Variants in MACROD2 observed in about 807,000 individuals in gnomAD.
MACROD2 encodes mono-ADP ribosylhydrolase 2.
In MACROD2, 36 loss-of-function variants were observed where a neutral mutation model predicts 70.4. The observed-to-expected ratio is 0.51, with a 90% confidence interval of 0.39 to 0.68. MACROD2 has a LOEUF of 0.68. Among genes scored for constraint, MACROD2 ranks in the 30% least tolerant of loss-of-function variants. MACROD2 has a pLI of 0.00. For synonymous variants in MACROD2, 172 were observed against 178.8 expected, an observed-to-expected ratio of 0.96 and a Z score of 0.30; for missense variants, 496 against 538.4, an observed-to-expected ratio of 0.92 and a Z score of 0.78.
chr20:14,464,364 T>G (rs1389654707), intron 3 of MACROD2, among the ~76,000 whole-genome samples: 1 of 152,162 alleles, frequency 6.6e-6, no homozygotes, highest in African/African-American at 2.4e-5. Flanking sequence ...TGTATTTCTG[T>G]GGGATCAGTG....
At chr20:15,447,230 A>G (rs544339646) in intron 7 of MACROD2, among the ~76,000 whole-genome samples, 50 of 152,272 alleles carry the variant, frequency 3.3e-4, no homozygotes, top group Middle Eastern at 3.4e-3. Context: ...GCAACAAGAG[A>G]CAGAAATGCC....
chr20:15,711,482 C>T (rs2050626097), intron 8 of MACROD2, among the ~76,000 whole-genome samples: 1 of 152,206 alleles, frequency 6.6e-6, no homozygotes, highest in Admixed American at 6.5e-5. Flanking sequence ...TTTCTCCCTG[C>T]TTGGCCTCGA....
intron 2 of MACROD2, among the ~76,000 whole-genome samples, chr20:14,027,715 C>T (rs545006942): frequency 3.3e-5 from 5 of 152,294 alleles, no homozygotes; most frequent in South Asian, 2.1e-4. Context: ...ACTGCACACC[C>T]GGTTTGCCTG....
chr20:14,837,714 C>T (rs1159268239), intron 5 of MACROD2, among the ~76,000 whole-genome samples: 1 of 151,966 alleles, frequency 6.6e-6, no homozygotes, highest in Admixed American at 6.6e-5. Flanking sequence ...CAAAATTTAC[C>T]TTACTATGAC....
chr20:14,355,111 G>T (rs2083160209), intron 3 of MACROD2, among the ~76,000 whole-genome samples: 1 of 152,092 alleles, frequency 6.6e-6, no homozygotes, highest in Admixed American at 6.6e-5. Context: ...AGAATGATTT[G>T]TTTTCTTATA....
chr20:14,963,087 T>A (rs537388701), intron 5 of MACROD2, among the ~76,000 whole-genome samples: 1 of 152,158 alleles, frequency 6.6e-6, no homozygotes, highest in Admixed American at 6.5e-5. Context: ...ATAAAAAAAC[T>A]GTACCATACT....
chr20:14,346,769 A>G (rs1226213772), intron 3 of MACROD2, among the ~76,000 whole-genome samples: 1 of 152,178 alleles, frequency 6.6e-6, no homozygotes, highest in Non-Finnish European at 1.5e-5. Context: ...CAGGTACTCT[A>G]AGAGGACCCC....
chr20:14,190,708 T>A (rs867482709), intron 3 of MACROD2, among the ~76,000 whole-genome samples: 336 of 79,728 alleles, frequency 4.2e-3, no homozygotes, highest in South Asian at 7.9e-3. Context: ...ATTTTTTTTT[T>A]TTTTTTTTTT....
chr20:15,385,653 T>G (rs758062592), intron 6 of MACROD2, among the ~76,000 whole-genome samples: 2 of 152,204 alleles, frequency 1.3e-5, no homozygotes, highest in Non-Finnish European at 2.9e-5. Flanking sequence ...CCTAGATAGG[T>G]CCATTAATTT....
intron 8 of MACROD2, among the ~76,000 whole-genome samples, chr20:15,729,984 C>T (rs370062785): frequency 1.5e-4 from 23 of 152,042 alleles, no homozygotes; most frequent in East Asian, 1.2e-3. Flanking sequence ...CCTGCCACCA[C>T]GCCCCACTAA....
At chr20:15,488,966 A>G (rs2047194967) in intron 7 of MACROD2, among the ~76,000 whole-genome samples, 1 of 152,170 alleles carries the variant, frequency 6.6e-6, no homozygotes, top group South Asian at 2.1e-4. Flanking sequence ...ATGATTTCAA[A>G]AATACCCTCC....
intron 2 of MACROD2, among the ~76,000 whole-genome samples, chr20:14,011,940 G>A (rs562093138): frequency 9.3e-5 from 14 of 150,136 alleles, no homozygotes; most frequent in Non-Finnish European, 1.6e-4. Context: ...GCAGAGTCTC[G>A]CTCTGTCGCC....
chr20:14,650,587 T>C (rs925372369), intron 4 of MACROD2, among the ~76,000 whole-genome samples: 16 of 152,214 alleles, frequency 1.1e-4, no homozygotes, highest in African/African-American at 3.9e-4. Flanking sequence ...GAACTGACTT[T>C]TTCAGCCTAT....
At chr20:14,861,095 G>C (rs1052140359) in intron 5 of MACROD2, among the ~76,000 whole-genome samples, 7 of 152,048 alleles carry the variant, frequency 4.6e-5, no homozygotes, top group African/African-American at 1.7e-4. Context: ...TACCCCACAT[G>C]GTTACAATGA....
At chr20:14,806,356 G>A (rs1383003854) in intron 5 of MACROD2, among the ~76,000 whole-genome samples, 30 of 152,142 alleles carry the variant, frequency 2.0e-4, no homozygotes, top group Non-Finnish European at 1.0e-4. Flanking sequence ...AAGGGGTTGG[G>A]GAACTCTCTC....
chr20:15,920,118 C>T (rs1401082506), intron 10 of MACROD2, among the ~76,000 whole-genome samples: 1 of 152,128 alleles, frequency 6.6e-6, no homozygotes, highest in East Asian at 1.9e-4. Context: ...ACAGCTGATG[C>T]CTTCTAAAAG....
intron 4 of MACROD2, among the ~76,000 whole-genome samples, chr20:14,515,004 C>G (rs569416883): frequency 6.6e-6 from 1 of 151,894 alleles, no homozygotes; most frequent in East Asian, 1.9e-4. Context: ...TAAATTAGAG[C>G]TAATAGAGGA....
At chr20:15,068,644 G>C (rs1422976549) in intron 5 of MACROD2, among the ~76,000 whole-genome samples, 3 of 152,050 alleles carry the variant, frequency 2.0e-5, no homozygotes, top group Admixed American at 6.6e-5. Context: ...CTCCCCCTTT[G>C]CCTTCCACTA....
intron 4 of MACROD2, among the ~76,000 whole-genome samples, chr20:14,624,946 T>G (rs950293901): frequency 6.6e-6 from 1 of 152,174 alleles, no homozygotes. Context: ...GTTTGCACAT[T>G]GCACCTTTTG....
Sources: allele counts gnomAD v4.1 joint callset (sites outside exome capture counted in the v4.1 genomes callset), GRCh38; gene constraint gnomAD v4.1.1; transcripts MANE v1.5; gene names NCBI Gene and HGNC (gene_info 2026-07-23, HGNC 2026-07-21).